The following RBFOX1 variants were observed in gnomAD, a reference collection of about 807,000 sequenced individuals.
RBFOX1 encodes RNA binding protein fox-1 homolog 1.
In RBFOX1, 8 loss-of-function variants were observed where a neutral mutation model predicts 57.7. That is an observed-to-expected ratio of 0.14 (90% confidence interval 0.08 to 0.25). RBFOX1 has a LOEUF of 0.25. Among genes scored for constraint, RBFOX1 ranks in the 10% least tolerant of loss-of-function variants. The probability of loss-of-function intolerance (pLI) is 1.00; values close to 1 mark genes in which losing one functional copy is unlikely to be tolerated. For missense variants in RBFOX1, 611 were observed against 548.5 expected (o/e 1.11, Z -1.14); for synonymous variants, 326 against 222.4 (o/e 1.47, Z -4.15).
At chr16:7,222,276 G>A (rs778371310) in intron 4 of RBFOX1, among the ~76,000 whole-genome samples, 22 of 152,300 alleles carry the variant, frequency 1.4e-4, no homozygotes, top group South Asian at 4.2e-4. Flanking sequence ...TCTCAGAAGC[G>A]TAAGATATAA....
chr16:7,005,315 A>G (rs62016452), intron 3 of RBFOX1, among the ~76,000 whole-genome samples: 18,283 of 152,080 alleles, frequency 0.12, 1,144 homozygotes, highest in East Asian at 0.18. Context: ...CTCCCTTTCA[A>G]TGAGACTGTG....
At chr16:6,597,502 T>A (rs2097788458) in intron 2 of RBFOX1, among the ~76,000 whole-genome samples, 1 of 151,996 alleles carries the variant, frequency 6.6e-6, no homozygotes, top group African/African-American at 2.4e-5. Context: ...TGAAACCCTG[T>A]CTCTACTAAA....
intron 3 of RBFOX1, among the ~76,000 whole-genome samples, chr16:5,635,257 C>G (rs1380893519): frequency 6.6e-6 from 1 of 152,202 alleles, no homozygotes; most frequent in East Asian, 1.9e-4. Context: ...ATTGACCTCA[C>G]TGAATAAATT....
intron 13 of RBFOX1, among the ~76,000 whole-genome samples, chr16:7,667,307 C>G (rs559827180): frequency 1.3e-5 from 2 of 152,302 alleles, no homozygotes; most frequent in African/African-American, 4.8e-5. Flanking sequence ...AGCAGCAGAA[C>G]AAGAGGTCTT....
chr16:7,292,007 T>A (rs200383479), intron 4 of RBFOX1, among the ~76,000 whole-genome samples: 1 of 86,900 alleles, frequency 1.2e-5, no homozygotes, highest in Non-Finnish European at 2.3e-5. Flanking sequence ...ATTATATGTA[T>A]TATATATTGT....
intron 3 of RBFOX1, among the ~76,000 whole-genome samples, chr16:6,718,147 C>T (rs1052239908): frequency 1.3e-5 from 2 of 152,192 alleles, no homozygotes; most frequent in Non-Finnish European, 2.9e-5. Context: ...GAGTTCCTTG[C>T]AAAGATGTCC....
intron 2 of RBFOX1, among the ~76,000 whole-genome samples, chr16:6,532,629 G>A (rs943732922): frequency 6.6e-6 from 1 of 152,014 alleles, no homozygotes; most frequent in African/African-American, 2.4e-5. Flanking sequence ...CCTGGTGATC[G>A]TCTCTTCTCG....
chr16:6,798,109 C>G (rs765082441), intron 3 of RBFOX1, among the ~76,000 whole-genome samples: 18 of 152,070 alleles, frequency 1.2e-4, no homozygotes, highest in Non-Finnish European at 2.5e-4. Context: ...TAAACAGCAT[C>G]TAGCACGCAT....
chr16:7,010,251 T>C (rs889305375), intron 3 of RBFOX1, among the ~76,000 whole-genome samples: 6 of 152,220 alleles, frequency 3.9e-5, no homozygotes, highest in Non-Finnish European at 7.3e-5. Flanking sequence ...TAGAGCTAAA[T>C]GGCAAATTCT....
chr16:5,776,878 G>A (rs529256492), intron 3 of RBFOX1, among the ~76,000 whole-genome samples: 1 of 152,304 alleles, frequency 6.6e-6, no homozygotes, highest in Admixed American at 6.5e-5. Flanking sequence ...AAACACGGTG[G>A]CCATTTGCCA....
At chr16:7,184,961 C>G (rs1203391040) in intron 4 of RBFOX1, among the ~76,000 whole-genome samples, 2 of 152,172 alleles carry the variant, frequency 1.3e-5, no homozygotes, top group Non-Finnish European at 2.9e-5. Context: ...TGTTACCTCT[C>G]TCAAGCATTA....
intron 11 of RBFOX1, among the ~76,000 whole-genome samples, chr16:7,652,138 G>GAT (rs773466816): frequency 3.4e-4 from 52 of 152,300 alleles, no homozygotes; most frequent in Admixed American, 2.6e-4. Context: ...TACTTAGTGA[G>GAT]ATGGGACAAG....
At chr16:6,190,173 T>G (rs2097132897) in intron 1 of RBFOX1, among the ~76,000 whole-genome samples, 2 of 152,218 alleles carry the variant, frequency 1.3e-5, no homozygotes, top group Admixed American at 1.3e-4. Flanking sequence ...CTCCTGTGCT[T>G]CAAATTCTGT....
intron 3 of RBFOX1, among the ~76,000 whole-genome samples, chr16:5,817,646 A>T (rs921136222): frequency 5.3e-5 from 8 of 150,976 alleles, no homozygotes; most frequent in South Asian, 2.1e-4. Context: ...GTTCATGAAG[A>T]TGGGGCTGGA....
Position 6,628,307 on chromosome 16 carries a change from G to C in RBFOX1, c.-63-26296G>C, listed in dbSNP as rs77011275. ...CTTTCCCGTTAACGGTTCATTAATT[G>C]AAAACTACCGGTATCTTCCTAAACC... On this transcript the variant is annotated intron_variant, in intron 2 of 15. Transcript: ENST00000550418. Among the ~76,000 whole-genome samples the C allele has an allele frequency of 7.4e-4, 112 of 152,254 alleles. No individual in the cohort carries two copies. In the East Asian group the frequency reaches 0.021, roughly 29 times the overall value.
At position 6,465,713 on chromosome 16, in the gene RBFOX1, G is replaced by A. The variant is rs572354141; in HGVS notation, c.-64+148656G>A. Among the ~76,000 whole-genome samples, 29 of 151,000 alleles carry A rather than the reference G, an allele frequency of 1.9e-4. No individual in the cohort carries two copies. The South Asian group carries it at 5.7e-3, about 29-fold the overall frequency. On this transcript the variant is annotated intron_variant, in intron 2 of 15. Coordinates refer to ENST00000550418, the MANE Select transcript of RBFOX1 (RefSeq NM_018723.4). ...TTCTGTATTGCCTGTGGTCATTTTT[G>A]TGCTAAAAGGGAAGAATTGAGGAGT...
intron 10 of RBFOX1, among the ~76,000 whole-genome samples, chr16:7,610,541 A>G (rs1216623524): frequency 1.3e-5 from 2 of 152,332 alleles, no homozygotes; most frequent in East Asian, 1.9e-4. Context: ...CAAGTGTTAC[A>G]TGACAAATCT....
At chr16:6,772,307 G>T (rs559961559) in intron 3 of RBFOX1, among the ~76,000 whole-genome samples, 11 of 152,188 alleles carry the variant, frequency 7.2e-5, no homozygotes, top group Non-Finnish European at 1.2e-4. Flanking sequence ...TAGTACAGAG[G>T]AAGGATCGAT....
intron 3 of RBFOX1, among the ~76,000 whole-genome samples, chr16:5,623,794 C>T (rs2048268115): frequency 6.6e-6 from 1 of 152,064 alleles, no homozygotes; most frequent in Non-Finnish European, 1.5e-5. Context: ...AGTTGAAGTC[C>T]TCAGATGGCA....
Sources: gnomAD v4.1 joint callset for allele counts (sites outside exome capture counted in the v4.1 genomes callset) on GRCh38, gnomAD v4.1.1 for gene constraint, MANE v1.5 for transcripts, NCBI Gene and HGNC (gene_info 2026-07-23, HGNC 2026-07-21) for gene names.